The following THADA variants were observed in gnomAD, a reference collection of about 807,000 sequenced individuals.
THADA encodes the protein tRNA (32-2'-O)-methyltransferase regulator THADA.
THADA carries 213 observed loss-of-function variants against 219.8 expected under a neutral mutation model. That is an observed-to-expected ratio of 0.97 (90% CI 0.87 to 1.09). The LOEUF is 1.09. Ranked by LOEUF, THADA falls within the 50% of genes least tolerant of loss-of-function variation. The probability of loss-of-function intolerance (pLI) is 0.00; values close to 1 mark genes in which losing one functional copy is unlikely to be tolerated. For synonymous variants in THADA, 1,018 were observed against 828.9 expected (o/e 1.23, Z -3.92); for missense variants, 2,956 against 2,311.3 (o/e 1.28, Z -5.72).
chr2:43,383,175 T>C (rs926245456), intron 29 of THADA, among the ~76,000 whole-genome samples: 1 of 152,094 alleles, frequency 6.6e-6, no homozygotes, highest in African/African-American at 2.4e-5. Context: ...AGAAATAATA[T>C]TAATAAAAGA....
chr2:43,494,078 G>A (rs1295990932), intron 25 of THADA, among the ~76,000 whole-genome samples: 4 of 152,218 alleles, frequency 2.6e-5, no homozygotes, highest in African/African-American at 9.7e-5. Context: ...CAGATGAGAT[G>A]CCACATCACT....
intron 23 of THADA, 56 bp downstream of exon 23, chr2:43,508,592 A>G: frequency 6.4e-7 from 1 of 1,568,562 alleles, no homozygotes; most frequent in Non-Finnish European, 8.7e-7. Flanking sequence ...AGGTTAGGAT[A>G]CACTATCATC....
chr2:43,364,735 G>A (rs1172028606), intron 29 of THADA, among the ~76,000 whole-genome samples: 1 of 152,214 alleles, frequency 6.6e-6, no homozygotes, highest in Non-Finnish European at 1.5e-5. Context: ...AGAATGAACA[G>A]CACATATCAA....
intron 26 of THADA, among the ~76,000 whole-genome samples, chr2:43,434,298 C>T (rs1679788312): frequency 6.6e-6 from 1 of 152,202 alleles, no homozygotes; most frequent in Admixed American, 6.5e-5. Flanking sequence ...CCCAAGCTCC[C>T]ACTGATATGA....
intron 30 of THADA, among the ~76,000 whole-genome samples, chr2:43,322,242 G>A (rs1051986667): frequency 3.9e-5 from 6 of 152,070 alleles, no homozygotes; most frequent in East Asian, 3.9e-4. Flanking sequence ...GGTGGCTCAC[G>A]TCTGTAATCC....
intron 26 of THADA, among the ~76,000 whole-genome samples, chr2:43,443,472 C>G (rs935043034): frequency 6.6e-6 from 1 of 152,144 alleles, no homozygotes; most frequent in Non-Finnish European, 1.5e-5. Flanking sequence ...CCGAAACAAG[C>G]AAACAGGCTA....
At chr2:43,538,166 C>T (rs1254587862) in intron 21 of THADA, among the ~76,000 whole-genome samples, 1 of 152,098 alleles carries the variant, frequency 6.6e-6, no homozygotes, top group Non-Finnish European at 1.5e-5. Flanking sequence ...AATCAGTAGG[C>T]ACTGGGTATC....
chr2:43,291,881 T>C (rs914389396), intron 33 of THADA, 113 bp from the exon 34 acceptor site: 67 of 991,366 alleles, frequency 6.8e-5, no homozygotes, highest in African/African-American at 1.7e-5. Flanking sequence ...TGAAAATCTC[T>C]ACCTCCTGGT....
rs1261309118 is a variant in THADA, at chr2:43,297,421, G to A, written c.4439-4208C>T. Among the ~76,000 whole-genome samples the A allele has an allele frequency of 4.2e-4, 42 of 99,512 alleles. 1 individual carries two copies. Among genetic ancestry groups the A allele is most frequent in the East Asian group, 1.6e-3 (7 of 4,292 alleles). 65.3% of individuals were successfully genotyped at this position (99,512 alleles called of 152,430 possible). A position where few individuals can be genotyped will look rare whatever the true frequency, so the allele number is the denominator to read the frequency against. ...TGGGAAGTGAGGAGCGTCTCCGCCC[G>A]GCAGCCACCCCGTCCGGGAGGGAGG... On this transcript the variant is annotated intron_variant, in intron 31 of 37. Coordinates refer to ENST00000405975, the MANE Select transcript of THADA (RefSeq NM_022065.5).
At chr2:43,313,746 G>A (rs557332590) in intron 31 of THADA, among the ~76,000 whole-genome samples, 12 of 152,230 alleles carry the variant, frequency 7.9e-5, no homozygotes, top group Admixed American at 4.6e-4. Flanking sequence ...TGTGGCCTGG[G>A]CATTCTGCAG....
chr2:43,458,508 T>C (rs1374734965), intron 26 of THADA, among the ~76,000 whole-genome samples: 1 of 152,202 alleles, frequency 6.6e-6, no homozygotes, highest in Non-Finnish European at 1.5e-5. Flanking sequence ...TAGGATCAAA[T>C]GAGATAAGAG....
At chr2:43,351,790 T>C (rs990591768) in intron 29 of THADA, among the ~76,000 whole-genome samples, 5 of 152,192 alleles carry the variant, frequency 3.3e-5, no homozygotes, top group Admixed American at 2.0e-4. Flanking sequence ...CACCAAGGTG[T>C]TGGGGGAAAT....
intron 30 of THADA, among the ~76,000 whole-genome samples, chr2:43,330,388 C>T (rs1679827701): frequency 6.6e-6 from 1 of 152,184 alleles, no homozygotes; most frequent in Admixed American, 6.5e-5. Flanking sequence ...CTTAGGAGGG[C>T]CTCTCTCCAA....
intron 28 of THADA, among the ~76,000 whole-genome samples, chr2:43,412,096 A>G (rs1676377177): frequency 6.6e-6 from 1 of 152,180 alleles, no homozygotes; most frequent in Non-Finnish European, 1.5e-5. Flanking sequence ...TTGGATTTTA[A>G]ACATGAGTAG....
chr2:43,514,666 AATATATAATATATTATATTATATATAAT>A (rs1403252899), intron 22 of THADA, among the ~76,000 whole-genome samples: 1 of 86,724 alleles, frequency 1.2e-5, no homozygotes, highest in Non-Finnish European at 2.0e-5. Context: ...TGTATATAAT[AATATATAATATATTATATTATATATAAT>A]ATATATAATA....
intron 29 of THADA, among the ~76,000 whole-genome samples, chr2:43,381,263 G>A (rs748901713): frequency 2.0e-5 from 3 of 152,060 alleles, no homozygotes; most frequent in African/African-American, 4.8e-5. Flanking sequence ...ATTATAACCC[G>A]AAGTACAAAA....
chr2:43,471,269 T>C (rs1684871241), intron 26 of THADA, among the ~76,000 whole-genome samples: 1 of 152,192 alleles, frequency 6.6e-6, no homozygotes, highest in South Asian at 2.1e-4. Context: ...CTCACATCTA[T>C]AATCCCAGCA....
intron 28 of THADA, among the ~76,000 whole-genome samples, chr2:43,400,214 G>T (rs1371191440): frequency 1.3e-5 from 2 of 152,088 alleles, no homozygotes; most frequent in Non-Finnish European, 2.9e-5. Context: ...ACAAGAGGAA[G>T]GATGGAAAGG....
chr2:43,517,465 A>G (rs954187497), intron 22 of THADA, among the ~76,000 whole-genome samples: 3 of 152,158 alleles, frequency 2.0e-5, no homozygotes, highest in Non-Finnish European at 2.9e-5. Context: ...TTACCAAACA[A>G]TAGTTTACTT....
Sources: gnomAD v4.1 joint callset for allele counts (sites outside exome capture counted in the v4.1 genomes callset) on GRCh38, gnomAD v4.1.1 for gene constraint, MANE v1.5 for transcripts, NCBI Gene and HGNC (gene_info 2026-07-23, HGNC 2026-07-21) for gene names.